SLC35A5: variants seen among roughly 807,000 people sequenced by gnomAD.
SLC35A5 encodes UDP-sugar transporter protein SLC35A5.
SLC35A5 carries 28 observed loss-of-function variants against 36.3 expected under a neutral mutation model. The observed-to-expected ratio is 0.77, with a 90% CI of 0.57 to 1.06. SLC35A5 has a LOEUF of 1.06. Among genes scored for constraint, SLC35A5 ranks in the 50% least tolerant of loss-of-function variants. The pLI is 0.00. For synonymous variants in SLC35A5, 180 were observed against 173.7 expected, an observed-to-expected ratio of 1.04 and a Z score of -0.29; for missense variants, 521 against 499.3, an observed-to-expected ratio of 1.04 and a Z score of -0.41.
intron 6 of SLC35A5, 63 bp downstream of exon 6, chr3:112,581,389 AG>A (rs1934920001): frequency 6.7e-7 from 1 of 1,481,818 alleles, no homozygotes; most frequent in Non-Finnish European, 9.0e-7. Flanking sequence ...AGTTAATTCA[AG>A]GAAAAAAATA....
chr3:112,579,541 C>T (rs753013864), intron 5 of SLC35A5, among the ~76,000 whole-genome samples: 12 of 151,996 alleles, frequency 7.9e-5, no homozygotes, highest in Admixed American at 3.9e-4. Flanking sequence ...TTCTTGTTGC[C>T]TTTGCATAGA....
intron 3 of SLC35A5, 145 bp downstream of exon 3, chr3:112,569,414 T>C: frequency 1.5e-6 from 1 of 656,500 alleles, no homozygotes; most frequent in South Asian, 2.0e-5. Flanking sequence ...GTTTTAGAGG[T>C]GGAGAAACAA....
intron 5 of SLC35A5, among the ~76,000 whole-genome samples, chr3:112,579,370 A>G (rs60646325): frequency 0.042 from 6,342 of 151,558 alleles, 245 homozygotes; most frequent in Admixed American, 0.11. Flanking sequence ...GTTCCCACCT[A>G]TTGCTTTACA....
chr3:112,575,441 C>G (rs1252703211), intron 5 of SLC35A5, among the ~76,000 whole-genome samples: 5 of 150,170 alleles, frequency 3.3e-5, no homozygotes, highest in Non-Finnish European at 5.9e-5. Context: ...AATTTTTAAG[C>G]ATTTAACTAT....
At position 112,581,183 on chromosome 3, in the gene SLC35A5, T is replaced by G. The variant is rs751575142; in HGVS notation, c.1066T>G (p.Ser356Ala). ...VSVLVFDFRP[S>A]LEFFLEAPSV... Reference sequence around the variant, plus strand: ...TGTCCTGGTCTTTGACTTCAGGCCCTCCCTGGAATTTTTCTTGGAAGCCCC... The same window carrying G: ...TGTCCTGGTCTTTGACTTCAGGCCCGCCCTGGAATTTTTCTTGGAAGCCCC... The change falls in exon 6 of 7, where the codon TCC becomes GCC. Residue 356 changes from serine to alanine, a missense_variant. Physicochemically the swap from Ser to Ala is moderately conservative, Grantham distance 99. Coordinates refer to ENST00000492406, the MANE Select transcript of SLC35A5 (RefSeq NM_017945.5). The G allele has an allele frequency of 9.9e-6, 16 of 1,613,890 alleles. No homozygotes were observed. The highest frequency in any genetic ancestry group is 3.3e-4 in the Middle Eastern group (2 of 6,084).
At chr3:112,578,694 A>T (rs970932391) in intron 5 of SLC35A5, among the ~76,000 whole-genome samples, 1 of 152,104 alleles carries the variant, frequency 6.6e-6, no homozygotes, top group African/African-American at 2.4e-5. Context: ...CATTACCTTG[A>T]ATGAGTAATT....
chr3:112,564,998 C>T (rs1370637107), intron 2 of SLC35A5, among the ~76,000 whole-genome samples: 13 of 152,210 alleles, frequency 8.5e-5, no homozygotes, highest in Admixed American at 8.5e-4. Context: ...TCTGATCTCT[C>T]TTTTCCCCAC....
chr3:112,562,844 ACAGT>A (rs1447732938), intron 1 of SLC35A5, among the ~76,000 whole-genome samples: 17 of 151,950 alleles, frequency 1.1e-4, no homozygotes, highest in Admixed American at 1.0e-3. Context: ...CGGGCGGATC[ACAGT>A]CAGGAGTTCG....
chr3:112,563,898 C>G (rs1216369401), intron 2 of SLC35A5, among the ~76,000 whole-genome samples: 6 of 152,174 alleles, frequency 3.9e-5, no homozygotes, highest in South Asian at 2.1e-4. Context: ...GAGGTACTTA[C>G]TATTGTAATT....
chr3:112,571,454 A>G lies in SLC35A5; in HGVS notation c.360+784A>G, dbSNP rs59570468. On this transcript the variant is annotated intron_variant, in intron 4 of 6. Transcript: ENST00000492406. The stretch of plus-strand genomic sequence containing the variant: ...GCATTTGATTATAAATAGGATTTCT[A>G]TTGCTACCAGTCTTCTCTGTGAAGT... Among the ~76,000 whole-genome samples, 402 of 152,312 alleles carry G rather than the reference A, an allele frequency of 2.6e-3. 2 individuals are homozygous for G. The highest frequency in any genetic ancestry group is 0.01 in the Middle Eastern group (3 of 294).
Position 112,571,835 on chromosome 3 carries a change from G to A in SLC35A5, c.360+1165G>A, listed in dbSNP as rs966512256. 4.6e-5 allele frequency among the ~76,000 whole-genome samples: 7 copies of A among 151,906 alleles called. No individual in the cohort carries two copies. In the South Asian group the frequency reaches 1.5e-3, roughly 32 times the overall value. ...CACCTGGCTTGGCCCTTGACATATG[G>A]GGATTACAATTCAAGGTGAGATTTG... On this transcript the variant is annotated intron_variant, in intron 4 of 6. Transcript: ENST00000492406.
At chr3:112,579,403 C>CT (rs1186549574) in intron 5 of SLC35A5, among the ~76,000 whole-genome samples, 6 of 151,930 alleles carry the variant, frequency 3.9e-5, no homozygotes, top group Admixed American at 2.0e-4. Context: ...TTATGTTCCT[C>CT]TTTTTTTCTC....
rs1224331784 is a variant in SLC35A5, at chr3:112,581,027, G to A, written c.910G>A (p.Ala304Thr). The A allele has an allele frequency of 6.2e-7, 1 of 1,614,062 alleles. No homozygotes were observed. The highest frequency in any genetic ancestry group is 2.2e-5 in the East Asian group (1 of 44,882). The change falls in exon 6 of 7, where the codon GCA becomes ACA. Residue 304 changes from alanine (A) to threonine (T), a missense_variant. Physicochemically the swap from Ala to Thr is moderately conservative, Grantham distance 58. Transcript: ENST00000492406. ...CTGTGGATTTTTTTATGGCCACAGT[G>A]CATTTTCAGTAGCCCTTATTTTTGT... ...KNCGFFYGHS[A>T]FSVALIFVTA...
chr3:112,582,523 T>C, intron 6 of SLC35A5, 148 bp from the exon 7 acceptor site: 1 of 570,850 alleles, frequency 1.8e-6, no homozygotes, highest in Admixed American at 3.3e-5. Context: ...ATAGTTAACT[T>C]TCCAAGAACA....
intron 4 of SLC35A5, among the ~76,000 whole-genome samples, 160 bp from the exon 5 acceptor site, chr3:112,573,729 C>T (rs962355057): frequency 6.6e-6 from 1 of 152,200 alleles, no homozygotes; most frequent in Admixed American, 6.5e-5. Context: ...ATTTGACAAG[C>T]GACAAAACTG....
intron 2 of SLC35A5, among the ~76,000 whole-genome samples, chr3:112,568,588 C>T (rs1196793061): frequency 6.6e-6 from 1 of 152,190 alleles, no homozygotes; most frequent in Non-Finnish European, 1.5e-5. Flanking sequence ...GGTAGCAGAG[C>T]CCTAGGCCAG....
At chr3:112,571,782 G>A (rs888020869) in intron 4 of SLC35A5, among the ~76,000 whole-genome samples, 12 of 152,130 alleles carry the variant, frequency 7.9e-5, no homozygotes, top group African/African-American at 2.7e-4. Flanking sequence ...CAGTATGGGT[G>A]AAACCTCCGC....
At position 112,585,284 on chromosome 3, in the gene SLC35A5, G is replaced by A. The variant is rs1935103267; in HGVS notation, c.*2548G>A. 1.3e-5 allele frequency: 2 copies of A among 152,082 alleles called. No individual in the cohort carries two copies. Among genetic ancestry groups the A allele is most frequent in the Admixed American group, 6.6e-5 (1 of 15,252 alleles). The allele number at this position is 152,082 out of a possible 1,614,324, so 9.4% of individuals were successfully genotyped here. On this transcript the variant is annotated 3_prime_UTR_variant, in exon 7 of 7. Transcript: ENST00000492406. ...GAACTTACTATCATGAGAACAGCAT[G>A]GGGGAAACTGCCCCCATGATTCAAT...
chr3:112,581,901 G>A (rs1289562481), intron 6 of SLC35A5, among the ~76,000 whole-genome samples: 1 of 152,166 alleles, frequency 6.6e-6, no homozygotes, highest in African/African-American at 2.4e-5. Flanking sequence ...ATCCTTGCAA[G>A]GCGAGTAGGA....
Sources: allele counts gnomAD v4.1 joint callset (sites outside exome capture counted in the v4.1 genomes callset), GRCh38; gene constraint gnomAD v4.1.1; transcripts MANE v1.5; gene names NCBI Gene and HGNC (gene_info 2026-07-23, HGNC 2026-07-21).